ZZEF1: variants seen among roughly 807,000 people sequenced by gnomAD.
ZZEF1 encodes the protein zinc finger ZZ-type and EF-hand domain-containing protein 1.
A neutral mutation model predicts 342.8 loss-of-function variants in ZZEF1; 157 were observed. The ratio of observed to expected loss-of-function variants is 0.46; its 90% CI spans 0.40 to 0.52. The LOEUF is 0.52. Ranked by LOEUF, ZZEF1 falls within the 20% of genes least tolerant of loss-of-function variation. ZZEF1 has a pLI of 0.00. For synonymous variants in ZZEF1, 1,505 were observed against 1,429.1 expected (o/e 1.05, Z -1.20); for missense variants, 3,480 against 3,725.6 (o/e 0.93, Z 1.72).
intron 6 of ZZEF1, among the ~76,000 whole-genome samples, chr17:4,108,191 C>T (rs1597903114): frequency 6.6e-6 from 1 of 152,220 alleles, no homozygotes; most frequent in East Asian, 1.9e-4. Context: ...CCACTTTAAT[C>T]AAGTGATCAA....
rs1384613805 is a variant in ZZEF1, at chr17:4,075,123, T to C, written c.3457A>G (p.Lys1153Glu). The change falls in exon 23 of 55, where the codon AAA becomes GAA. Residue 1153 changes from lysine to glutamate, a missense_variant. Physicochemically the swap from Lys to Glu is moderately conservative, Grantham distance 56. Transcript: ENST00000381638. ...ARGRKTRYDT[K>E]VGTDKWPKKV... Reference sequence around the variant, plus strand: ...TTGGGCCATTTATCAGTGCCAACTTTTGTGTCATAGCGTGTTTTCCGACCT... The same window carrying C: ...TTGGGCCATTTATCAGTGCCAACTTCTGTGTCATAGCGTGTTTTCCGACCT... 1 of 1,614,214 alleles carries C rather than the reference T, an allele frequency of 6.2e-7. No individual in the cohort carries two copies. Among genetic ancestry groups the C allele is most frequent in the Admixed American group, 1.7e-5 (1 of 60,032 alleles).
In ZZEF1 at chr17:4,008,676, A is replaced by G. The variant is rs930315923; in HGVS notation, c.8805+207T>C. On this transcript the variant is annotated intron_variant, in intron 54 of 54. Transcript: ENST00000381638. This position sits in a 1 kb window ranked among gnomAD's most constrained non-coding sequence, Gnocchi z 4.2. ...AAGACACAAATTCTTCTGACCCCAC[A>G]GTTTAGAGTGAATGACTCTGATAAA... 1 of 1,272,802 alleles carries G rather than the reference A, an allele frequency of 7.9e-7. No homozygotes were observed. Among genetic ancestry groups the G allele is most frequent in the Non-Finnish European group, 9.9e-7 (1 of 1,008,828 alleles). 78.8% of individuals were successfully genotyped at this position (1,272,802 alleles called of 1,614,324 possible).
Position 4,017,906 on chromosome 17 carries a change from C to G in ZZEF1, c.7571G>C (p.Ser2524Thr). ...CTGTTCTTCCAGCCTCAGACTCTTA[C>G]TGGGCTGCCACCGCTGAGCCAGGGA... is the stretch of plus-strand genomic sequence containing the variant. ...IRSLAQRWQP[S>T]KSLRLEEQSA... The change falls in exon 47 of 55, where the codon AGT (serine) becomes ACT (threonine). Residue 2524 changes from serine (S) to threonine (T), a missense_variant. Physicochemically the swap from Ser to Thr is moderately conservative, Grantham distance 58 (BLOSUM62 1). Transcript: ENST00000381638. The surrounding 1 kb of genome is among the most constrained non-coding windows in gnomAD (Gnocchi z 5.1). 2 of 1,614,168 alleles carry G rather than the reference C, an allele frequency of 1.2e-6. No individual in the cohort carries two copies. Among genetic ancestry groups the G allele is most frequent in the Non-Finnish European group, 8.5e-7 (1 of 1,180,040 alleles).
At chr17:4,007,662 G>A (rs2055837681) in intron 54 of ZZEF1, among the ~76,000 whole-genome samples, 1 of 152,170 alleles carries the variant, frequency 6.6e-6, no homozygotes, top group African/African-American at 2.4e-5. Flanking sequence ...TGGGGTGGCG[G>A]CGGCAATGCT....
intron 5 of ZZEF1, among the ~76,000 whole-genome samples, chr17:4,112,279 G>A (rs2058325111): frequency 6.6e-6 from 1 of 150,946 alleles, no homozygotes; most frequent in African/African-American, 2.4e-5. Context: ...CCAAGTGGCT[G>A]GGATTACAGG....
rs1199295398 is a variant in ZZEF1 at position 4,013,430 on chromosome 17, C to A, written c.8579+19G>T. Reference sequence around the variant, plus strand: ...ATACATATGCCTGGCAAAGGGCTGCCATCCGGGACACCGCTTACCTGTGGC... The same window carrying A: ...ATACATATGCCTGGCAAAGGGCTGCAATCCGGGACACCGCTTACCTGTGGC... On this transcript the variant is annotated intron_variant, in intron 52 of 54. Coordinates refer to ENST00000381638, the MANE Select transcript of ZZEF1 (RefSeq NM_015113.4). 2 of 1,575,074 alleles carry A rather than the reference C, an allele frequency of 1.3e-6. No individual in the cohort carries two copies. Among genetic ancestry groups the A allele is most frequent in the South Asian group, 2.3e-5 (2 of 87,178 alleles).
intron 37 of ZZEF1, among the ~76,000 whole-genome samples, chr17:4,048,225 T>A (rs1457761504): frequency 6.6e-6 from 1 of 152,180 alleles, no homozygotes. Context: ...AGACGTTTCA[T>A]GGAAAAAATG....
rs752240343 is a variant in ZZEF1, at chr17:4,082,496, G to A, written c.2655C>T (p.Thr885=). ...RNHLFTMMNV[T]EQEHKQSLQL... ...GCAGGGACTGCTTGTGCTCCTGCTC[G>A]GTGACATTCTTCTAGAAAACCAGAA... The change falls in exon 17 of 55, where the codon ACC becomes ACT. Residue 885 remains threonine (T), a synonymous_variant. Transcript: ENST00000381638. 2.7e-5 allele frequency: 44 copies of A among 1,613,890 alleles called. No homozygotes were observed. Among genetic ancestry groups the A allele is most frequent in the Non-Finnish European group, 3.1e-5 (37 of 1,179,922 alleles).
intron 43 of ZZEF1, among the ~76,000 whole-genome samples, chr17:4,024,199 T>TG (rs1218149349): frequency 7.1e-6 from 1 of 141,514 alleles, no homozygotes; most frequent in African/African-American, 2.7e-5. Flanking sequence ...TTTTTTTTTT[T>TG]TTTTTTTTTT....
intron 49 of ZZEF1, among the ~76,000 whole-genome samples, chr17:4,015,261 A>C (rs76292846): frequency 2.0e-5 from 3 of 152,248 alleles, no homozygotes; most frequent in African/African-American, 7.2e-5. Context: ...TATGGGACCA[A>C]GGGAGTGGGG....
intron 1 of ZZEF1, among the ~76,000 whole-genome samples, chr17:4,132,295 T>C (rs113196438): frequency 3.1e-3 from 477 of 151,950 alleles, no homozygotes; most frequent in Non-Finnish European, 5.3e-3. Context: ...GTGATTCCCA[T>C]GCCTCAGCCT....
intron 13 of ZZEF1, among the ~76,000 whole-genome samples, chr17:4,088,121 T>A (rs1284472179): frequency 6.6e-6 from 1 of 152,120 alleles, no homozygotes; most frequent in Admixed American, 6.6e-5. Context: ...TGCTATACAC[T>A]ACACATGCGA....
Position 4,019,926 on chromosome 17 carries a change from G to GT in ZZEF1, c.7405-158dup, listed in dbSNP as rs1455477718. ...GGTAGTTTAAAAAGCATATAAAATT[G>GT]TAAGCACCAAAACATGGACTATAAC... On this transcript the variant is annotated intron_variant, in intron 45 of 54. Transcript: ENST00000381638. 9.3e-6 allele frequency: 5 copies of GT among 539,994 alleles called. No homozygotes were observed. The East Asian group carries it at 1.7e-4, about 18-fold the overall frequency. 33.5% of individuals were successfully genotyped at this position (539,994 alleles called of 1,614,324 possible).
At position 4,134,727 on chromosome 17, in the gene ZZEF1, C is replaced by T. The variant is rs1263876804; in HGVS notation, c.354+7815G>A. Among the ~76,000 whole-genome samples the T allele has an allele frequency of 2.6e-5, 4 of 151,798 alleles. No homozygotes were observed. In the South Asian group the frequency reaches 6.2e-4, roughly 24 times the overall value. On this transcript the variant is annotated intron_variant, in intron 1 of 54. Transcript: ENST00000381638. Reference sequence around the variant, plus strand: ...ACACGATGGAGCTTGAATTTGAATCCTGGACTGATTCCAGATGCCACAATT... The same window carrying T: ...ACACGATGGAGCTTGAATTTGAATCTTGGACTGATTCCAGATGCCACAATT...
At chr17:4,094,414 G>A (rs1204157708) in intron 11 of ZZEF1, among the ~76,000 whole-genome samples, 9 of 152,044 alleles carry the variant, frequency 5.9e-5, no homozygotes, top group Admixed American at 5.9e-4. Context: ...CTACCAAAAT[G>A]CTGGGATTAC....
At chr17:4,096,550 C>A (rs2058036845) in intron 10 of ZZEF1, 59 bp downstream of exon 10, 2 of 1,392,970 alleles carry the variant, frequency 1.4e-6, no homozygotes, top group Non-Finnish European at 2.0e-6. Flanking sequence ...TACTATGTAC[C>A]CATAAAAATT....
chr17:4,036,817 A>ACACACTCT (rs754105162), intron 39 of ZZEF1, among the ~76,000 whole-genome samples: 35 of 72,594 alleles, frequency 4.8e-4, no homozygotes, highest in Middle Eastern at 7.7e-3. Flanking sequence ...ACACACACAC[A>ACACACTCT]CTCTCTCTCT....
chr17:4,051,927 C>T (rs765515855), intron 35 of ZZEF1, 44 bp downstream of exon 35: 84 of 1,558,846 alleles, frequency 5.4e-5, no homozygotes, highest in South Asian at 8.4e-5. Context: ...AGTGAAGGAA[C>T]GTGTAAATAA....
At position 4,017,212 on chromosome 17, in the gene ZZEF1, G is replaced by T; in HGVS notation, c.8001+159C>A. The T allele has an allele frequency of 9.7e-7, 1 of 1,035,342 alleles. No homozygotes were observed. The highest frequency in any genetic ancestry group is 1.4e-6 in the Non-Finnish European group (1 of 735,022). The allele number at this position is 1,035,342 out of a possible 1,614,324, so 64.1% of individuals were successfully genotyped here. A position where few individuals can be genotyped will look rare whatever the true frequency, so the allele number is the denominator to read the frequency against. On this transcript the variant is annotated intron_variant, in intron 48 of 54. Transcript: ENST00000381638. This position sits in a 1 kb window ranked among gnomAD's most constrained non-coding sequence, Gnocchi z 5.1. ...TGAGTTCCTCACTAGCCCAATCCTT[G>T]GGAGAGGATACAGTGACCCTACCTT...
Sources: gnomAD v4.1 joint callset for allele counts (sites outside exome capture counted in the v4.1 genomes callset) on GRCh38, gnomAD v4.1.1 for gene constraint, Gnocchi (gnomAD v3.1) non-coding constraint, MANE v1.5 for transcripts, NCBI Gene and HGNC (gene_info 2026-07-23, HGNC 2026-07-21) for gene names.